Variants in SLC18A1 observed in about 807,000 individuals in gnomAD.
SLC18A1 encodes solute carrier family 18 member A1.
Under a neutral mutation model 53.7 loss-of-function variants are expected in SLC18A1, and 69 were observed. The ratio of observed to expected loss-of-function variants is 1.28; its 90% CI spans 1.06 to 1.57. The LOEUF (loss-of-function observed/expected upper bound fraction) is 1.57, where lower values mean the gene tolerates loss of function less well. Among genes scored for constraint, SLC18A1 ranks in the 40% most tolerant of loss-of-function variants. SLC18A1 has a pLI of 0.00. For missense variants in SLC18A1, 932 were observed against 668.1 expected (o/e 1.40, Z -4.35); for synonymous variants, 320 against 248.1 (o/e 1.29, Z -2.72).
chr8:20,144,995 A>AT lies in SLC18A1; in HGVS notation c.*767dup. 1 of 152,000 alleles carries AT rather than the reference A, an allele frequency of 6.6e-6. No homozygotes were observed. The highest frequency in any genetic ancestry group is 1.5e-5 in the Non-Finnish European group (1 of 68,006). The allele number at this position is 152,000 out of a possible 1,614,324, so 9.4% of individuals were successfully genotyped here. On this transcript the variant is annotated 3_prime_UTR_variant, in exon 16 of 16. Coordinates refer to ENST00000276373, the MANE Select transcript of SLC18A1 (RefSeq NM_003053.4). ...CATGAAATCTTGGGTCTAATCAGTTATTTTTTCTGTCTTTCTTCTACTTTT... is the reference window on the plus strand; with the variant it reads ...CATGAAATCTTGGGTCTAATCAGTTATTTTTTTCTGTCTTTCTTCTACTTTT...
At position 20,178,478 on chromosome 8, in the gene SLC18A1, G is replaced by C; in HGVS notation, c.504C>G (p.Ile168Met). Residue 168 changes from isoleucine to methionine, a missense_variant, in exon 4 of 16, where the codon ATC becomes ATG. Ile to Met is a conservative substitution (Grantham distance 10). Transcript: ENST00000276373. The stretch of plus-strand genomic sequence containing the variant: ...TGATAACAAAGCCAGCAAACATGGG[G>C]ATATGATATCCAATCCTAAAAGGGA... ...GPLTNRIGYH[I>M]PMFAGFVIMF... is the part of the protein sequence containing the mutation. 6.2e-7 allele frequency: 1 copy of C among 1,606,442 alleles called. No homozygotes were observed.
intron 6 of SLC18A1, among the ~76,000 whole-genome samples, chr8:20,172,131 A>G (rs891036206): frequency 1.3e-5 from 2 of 152,244 alleles, no homozygotes; most frequent in Admixed American, 1.3e-4. Flanking sequence ...GAGGGAGTAC[A>G]CAAGAGGGAG....
At position 20,160,299 on chromosome 8, in the gene SLC18A1, G is replaced by T. The variant is rs2071792224; in HGVS notation, c.1015+4570C>A. ...CCTCTAGGAAGCCTACAGCCTCCTA[G>T]ATACACCTCCTTGACATCATTTTAA... On this transcript the variant is annotated intron_variant, in intron 10 of 15. Coordinates refer to ENST00000276373, the MANE Select transcript of SLC18A1 (RefSeq NM_003053.4). 2.0e-5 allele frequency among the ~76,000 whole-genome samples: 3 copies of T among 148,800 alleles called. No individual in the cohort carries two copies. In the Admixed American group the frequency reaches 2.0e-4, roughly 10 times the overall value.
chr8:20,155,375 G>C (rs921933484), intron 10 of SLC18A1, among the ~76,000 whole-genome samples: 2 of 152,194 alleles, frequency 1.3e-5, no homozygotes, highest in South Asian at 2.1e-4. Flanking sequence ...TTAAGACTCA[G>C]CTGGGAGGCT....
chr8:20,165,372 G>A (rs1050384658), intron 8 of SLC18A1, among the ~76,000 whole-genome samples: 1 of 152,074 alleles, frequency 6.6e-6, no homozygotes, highest in African/African-American at 2.4e-5. Flanking sequence ...CATGGTTCCT[G>A]CGTTCACGTG....
intron 1 of SLC18A1, among the ~76,000 whole-genome samples, chr8:20,182,296 A>G (rs371559872): frequency 3.3e-5 from 5 of 152,334 alleles, no homozygotes; most frequent in African/African-American, 1.2e-4. Context: ...TTCTTAGTGA[A>G]AAAAGTCAAA....
Position 20,179,323 on chromosome 8 carries a change from C to T in SLC18A1, c.286G>A (p.Val96Ile), listed in dbSNP as rs140109136. The change falls in exon 3 of 16, where the codon GTA becomes ATA. Residue 96 changes from valine to isoleucine, a missense_variant. Physicochemically the swap from Val to Ile is conservative, Grantham distance 29. Coordinates refer to ENST00000276373, the MANE Select transcript of SLC18A1 (RefSeq NM_003053.4). Reference sequence around the variant, plus strand: ...TTCATCCATGCTATTCCACTAGGTACGCTTTCTTCAACAGCCACGGTGTTG... The same window carrying T: ...TTCATCCATGCTATTCCACTAGGTATGCTTTCTTCAACAGCCACGGTGTTG... Reference protein sequence around the residue: ...NNNTVAVEESVPSGIAWMNDT... With the variant: ...NNNTVAVEESIPSGIAWMNDT... The T allele has an allele frequency of 2.4e-5, 39 of 1,614,148 alleles. No homozygotes were observed. Among genetic ancestry groups the T allele is most frequent in the Middle Eastern group, 1.7e-4 (1 of 6,054 alleles).
At chr8:20,173,206 T>A (rs1465345120) in intron 5 of SLC18A1, 78 bp from the exon 6 acceptor site, 3 of 1,014,638 alleles carry the variant, frequency 3.0e-6, no homozygotes, top group African/African-American at 3.2e-5. Context: ...TCCCACCCTG[T>A]TATCTCTTCA....
chr8:20,147,414 A>G lies in SLC18A1; in HGVS notation c.1331-23T>C, dbSNP rs751130033. ...GACCTGGGAGGGATACATCAAAGTC[A>G]TAAGTGTCTATGGAGCCTCCATATG... On this transcript the variant is annotated intron_variant, in intron 14 of 15. Transcript: ENST00000276373. 2.5e-6 allele frequency: 4 copies of G among 1,596,522 alleles called. No individual in the cohort carries two copies. The East Asian group carries it at 6.7e-5, about 27-fold the overall frequency.
intron 10 of SLC18A1, among the ~76,000 whole-genome samples, chr8:20,161,361 A>G (rs1377834529): frequency 6.6e-6 from 1 of 152,210 alleles, no homozygotes; most frequent in Admixed American, 6.5e-5. Context: ...GAAAAAAAAT[A>G]AAAATAACAG....
At chr8:20,167,148 C>A (rs374970644) in intron 8 of SLC18A1, among the ~76,000 whole-genome samples, 1 of 151,360 alleles carries the variant, frequency 6.6e-6, no homozygotes, top group Non-Finnish European at 1.5e-5. Context: ...AAAAAAAACC[C>A]CACAAATGGA....
chr8:20,175,655 C>T (rs1465611987), intron 4 of SLC18A1: 1 of 152,188 alleles, frequency 6.6e-6, no homozygotes, highest in Non-Finnish European at 1.5e-5. Context: ...GTAGTTAAGT[C>T]CAGACATGTC....
In SLC18A1 at chr8:20,174,353, A is replaced by G. The variant is rs776339709; in HGVS notation, c.631+8T>C. ...ATGTGTGTGTGCATGATGAGTTGCC[A>G]GTGTTACCTGCAACAGATGAAAATG... On this transcript the variant is annotated splice_region_variant and intron_variant, in intron 5 of 15. Transcript: ENST00000276373. The G allele has an allele frequency of 1.0e-5, 16 of 1,601,704 alleles. No homozygotes were observed. The Admixed American group carries it at 2.5e-4, about 25-fold the overall frequency.
At chr8:20,162,054 A>G (rs1297439973) in intron 10 of SLC18A1, among the ~76,000 whole-genome samples, 1 of 152,184 alleles carries the variant, frequency 6.6e-6, no homozygotes, top group Non-Finnish European at 1.5e-5. Context: ...AAGGCTTACC[A>G]CTTGCACCCT....
chr8:20,170,241 T>C (rs1342262840), intron 8 of SLC18A1, among the ~76,000 whole-genome samples: 1 of 152,198 alleles, frequency 6.6e-6, no homozygotes, highest in East Asian at 1.9e-4. Context: ...TCTAAAAGTA[T>C]TGATTATGTC....
Position 20,171,856 on chromosome 8 carries a change from G to A in SLC18A1, c.725-362C>T, listed in dbSNP as rs188176855. Among the ~76,000 whole-genome samples the A allele has an allele frequency of 3.9e-4, 59 of 152,360 alleles. No homozygotes were observed. In the East Asian group the frequency reaches 0.01, roughly 26 times the overall value. On this transcript the variant is annotated intron_variant, in intron 6 of 15. Transcript: ENST00000276373. The stretch of plus-strand genomic sequence containing the variant: ...GGCAGCCACGAGGGCTTTGCCAAGT[G>A]TAGAGTATCTGGAGGGGAAGAAGCT...
At chr8:20,171,366 C>G (rs17222169) in intron 7 of SLC18A1, 39 bp downstream of exon 7, 76 of 1,559,346 alleles carry the variant, frequency 4.9e-5, no homozygotes, top group Non-Finnish European at 5.7e-5. Context: ...CCAACCTGAC[C>G]TGGGCTGTCA....
intron 4 of SLC18A1, among the ~76,000 whole-genome samples, chr8:20,176,489 C>A (rs1363875913): frequency 6.6e-6 from 1 of 152,178 alleles, no homozygotes; most frequent in African/African-American, 2.4e-5. Flanking sequence ...CAATTCTAGG[C>A]AAACCAGGAG....
intron 15 of SLC18A1, 115 bp downstream of exon 15, chr8:20,147,143 A>G: frequency 9.2e-7 from 1 of 1,091,630 alleles, no homozygotes; most frequent in Non-Finnish European, 1.3e-6. Context: ...CAAAGCAGAG[A>G]GAGTATCAAC....
Sources: allele counts gnomAD v4.1 joint callset (sites outside exome capture counted in the v4.1 genomes callset), GRCh38; gene constraint gnomAD v4.1.1; transcripts MANE v1.5; gene names NCBI Gene and HGNC (gene_info 2026-07-23, HGNC 2026-07-21).